The following DTNA variants were observed in gnomAD, a reference collection of about 807,000 sequenced individuals.
DTNA encodes dystrobrevin alpha, also known as dystrophin-related protein 3.
Under a neutral mutation model 100.7 loss-of-function variants are expected in DTNA, and 43 were observed. The observed-to-expected ratio is 0.43, with a 90% CI of 0.33 to 0.55. The LOEUF (loss-of-function observed/expected upper bound fraction) is 0.55, where lower values mean the gene tolerates loss of function less well. Among genes scored for constraint, DTNA ranks in the 20% least tolerant of loss-of-function variants. The pLI is 0.04. For missense variants in DTNA, 798 were observed against 953.9 expected (o/e 0.84, Z 2.15); for synonymous variants, 349 against 347.9 (o/e 1.00, Z -0.04).
intron 17 of DTNA, among the ~76,000 whole-genome samples, chr18:34,870,669 C>T (rs1028834683): frequency 1.3e-5 from 2 of 152,124 alleles, no homozygotes; most frequent in Admixed American, 6.5e-5. Flanking sequence ...GCCCATCTCC[C>T]TCTTCTAGCC....
At chr18:34,575,851 A>G (rs1244985063) in intron 1 of DTNA, among the ~76,000 whole-genome samples, 3 of 152,182 alleles carry the variant, frequency 2.0e-5, no homozygotes, top group African/African-American at 7.2e-5. Context: ...TATTTTAACC[A>G]CAATAAAGAG....
At chr18:34,503,250 G>T (rs1347130687) in intron 1 of DTNA, among the ~76,000 whole-genome samples, 1 of 135,100 alleles carries the variant, frequency 7.4e-6, no homozygotes, top group African/African-American at 2.8e-5. Context: ...TTTTATTTGA[G>T]TTCCTTGTAG....
intron 1 of DTNA, among the ~76,000 whole-genome samples, chr18:34,608,982 A>G (rs2053671205): frequency 6.6e-6 from 1 of 152,136 alleles, no homozygotes. Context: ...TAACTATTTA[A>G]TTTTGTGGTC....
intron 1 of DTNA, among the ~76,000 whole-genome samples, chr18:34,630,534 G>C (rs554840416): frequency 6.6e-6 from 1 of 152,284 alleles, no homozygotes; most frequent in South Asian, 2.1e-4. Context: ...TAGTAGCAAA[G>C]AGATCAGTGG....
intron 2 of DTNA, among the ~76,000 whole-genome samples, chr18:34,760,922 AC>A (rs2093112263): frequency 1.3e-5 from 2 of 152,088 alleles, no homozygotes; most frequent in Admixed American, 1.3e-4. Context: ...CTTACAAGCA[AC>A]TCAAACTCTT....
At chr18:34,783,886 A>C (rs1396757950) in intron 3 of DTNA, among the ~76,000 whole-genome samples, 2 of 152,236 alleles carry the variant, frequency 1.3e-5, no homozygotes, top group African/African-American at 4.8e-5. Flanking sequence ...AGAGCTCTTA[A>C]CAACTAGGTA....
At chr18:34,753,076 T>TC (rs1320480036) in intron 1 of DTNA, among the ~76,000 whole-genome samples, 1 of 152,220 alleles carries the variant, frequency 6.6e-6, no homozygotes. Flanking sequence ...CTCTTTTTTT[T>TC]CTCTTTCATT....
chr18:34,696,247 A>G (rs2080511551), intron 1 of DTNA, among the ~76,000 whole-genome samples: 1 of 152,144 alleles, frequency 6.6e-6, no homozygotes, highest in Admixed American at 6.5e-5. Context: ...GAAATACACT[A>G]TTGACTTGAA....
chr18:34,869,805 A>G (rs1208279324), intron 17 of DTNA, among the ~76,000 whole-genome samples: 1 of 152,206 alleles, frequency 6.6e-6, no homozygotes, highest in Non-Finnish European at 1.5e-5. Flanking sequence ...GCAGATCACA[A>G]GGTCAGGAGA....
chr18:34,693,042 A>T (rs1018502324), intron 1 of DTNA, among the ~76,000 whole-genome samples: 1 of 152,208 alleles, frequency 6.6e-6, no homozygotes, highest in African/African-American at 2.4e-5. Flanking sequence ...GCATAAGAAT[A>T]ATAATGTATA....
At chr18:34,759,483 G>A (rs753920382) in intron 2 of DTNA, among the ~76,000 whole-genome samples, 3 of 152,068 alleles carry the variant, frequency 2.0e-5, no homozygotes, top group Non-Finnish European at 4.4e-5. Flanking sequence ...TTTAAAAGCC[G>A]ATTGGGCACA....
intron 17 of DTNA, chr18:34,868,528 C>T (rs2096731890): frequency 1.0e-6 from 1 of 985,246 alleles, no homozygotes; most frequent in Admixed American, 6.1e-5. Context: ...GTGTTTCTCC[C>T]CTTTGGGGAC....
intron 1 of DTNA, among the ~76,000 whole-genome samples, chr18:34,590,535 G>A (rs1409542286): frequency 6.6e-6 from 1 of 152,316 alleles, no homozygotes; most frequent in East Asian, 1.9e-4. Context: ...ATGTCTCACA[G>A]ATCAGCTAAG....
chr18:34,882,750 G>A (rs1294923044), intron 21 of DTNA, among the ~76,000 whole-genome samples: 2 of 152,110 alleles, frequency 1.3e-5, no homozygotes, highest in Non-Finnish European at 2.9e-5. Flanking sequence ...AAAAAAACAA[G>A]GTAACTAACA....
Position 34,889,212 on chromosome 18 carries a change from A to C in DTNA, c.*1478A>C, listed in dbSNP as rs1404031259. On this transcript the variant is annotated 3_prime_UTR_variant, in exon 23 of 23. Coordinates refer to ENST00000444659, the MANE Select transcript of DTNA (RefSeq NM_001386795.1). ...CTGGAATTCCTGTCTCTCCTTTAAA[A>C]GAAAGGAGAGAACATTTTAGAACAA... 7 of 985,272 alleles carry C rather than the reference A, an allele frequency of 7.1e-6. No individual in the cohort carries two copies. Among genetic ancestry groups the C allele is most frequent in the African/African-American group, 1.7e-5 (1 of 57,224 alleles). The allele number at this position is 985,272 out of a possible 1,614,324, so 61.0% of individuals were successfully genotyped here.
At chr18:34,718,705 A>G (rs1325462331) in intron 1 of DTNA, among the ~76,000 whole-genome samples, 1 of 152,208 alleles carries the variant, frequency 6.6e-6, no homozygotes, top group Non-Finnish European at 1.5e-5. Flanking sequence ...TAAAGAAATG[A>G]AAGGAGAAAG....
At chr18:34,667,464 A>T (rs1252772970) in intron 1 of DTNA, among the ~76,000 whole-genome samples, 1 of 152,194 alleles carries the variant, frequency 6.6e-6, no homozygotes, top group East Asian at 1.9e-4. Flanking sequence ...CACTATGTTG[A>T]AAAGGAGTGG....
intron 1 of DTNA, among the ~76,000 whole-genome samples, chr18:34,571,804 A>G (rs944420581): frequency 4.6e-5 from 7 of 152,162 alleles, no homozygotes; most frequent in African/African-American, 1.7e-4. Context: ...CTTTTTCAAC[A>G]TACCCCATTC....
intron 1 of DTNA, among the ~76,000 whole-genome samples, chr18:34,668,134 T>A (rs2076211126): frequency 6.6e-6 from 1 of 152,250 alleles, no homozygotes; most frequent in Non-Finnish European, 1.5e-5. Flanking sequence ...AGATTCAGCT[T>A]CTTCCTGGTT....
Sources: allele counts gnomAD v4.1 joint callset (sites outside exome capture counted in the v4.1 genomes callset), GRCh38; gene constraint gnomAD v4.1.1; transcripts MANE v1.5; gene names NCBI Gene and HGNC (gene_info 2026-07-23, HGNC 2026-07-21).